GABBR2: variants seen among roughly 807,000 people sequenced by gnomAD.
The protein encoded by GABBR2 is gamma-aminobutyric acid type B receptor subunit 2.
Under a neutral mutation model 105.6 loss-of-function variants are expected in GABBR2, and 23 were observed. That is an observed-to-expected ratio of 0.22 (90% CI 0.16 to 0.31). The LOEUF is 0.31. GABBR2 is among the 10% of genes least tolerant of loss of function. GABBR2 has a pLI of 1.00. For missense variants in GABBR2, 734 were observed against 1,245.5 expected (o/e 0.59, Z 6.18); for synonymous variants, 478 against 499.7 (o/e 0.96, Z 0.58).
intron 7 of GABBR2, among the ~76,000 whole-genome samples, chr9:98,420,614 G>A (rs1832766232): frequency 6.6e-6 from 1 of 152,242 alleles, no homozygotes; most frequent in Non-Finnish European, 1.5e-5. Context: ...GATAACCACA[G>A]CACAAAGGCA....
intron 1 of GABBR2, among the ~76,000 whole-genome samples, chr9:98,593,432 G>A (rs1385889130): frequency 1.3e-5 from 2 of 152,156 alleles, no homozygotes; most frequent in Admixed American, 1.3e-4. Flanking sequence ...CAGGGACAAT[G>A]GCAGGAGCAG....
intron 1 of GABBR2, among the ~76,000 whole-genome samples, chr9:98,683,921 T>C (rs955263252): frequency 4.0e-4 from 58 of 143,782 alleles, no homozygotes; most frequent in South Asian, 1.8e-3. Flanking sequence ...GGCAGGAGAA[T>C]GACATGAACC....
intron 3 of GABBR2, among the ~76,000 whole-genome samples, chr9:98,540,441 A>C (rs1211094427): frequency 6.6e-6 from 1 of 152,216 alleles, no homozygotes; most frequent in East Asian, 1.9e-4. Context: ...TAACGTCTCC[A>C]AGGTCACACA....
intron 8 of GABBR2, among the ~76,000 whole-genome samples, chr9:98,395,811 T>C (rs940835868): frequency 1.3e-5 from 2 of 151,874 alleles, no homozygotes; most frequent in African/African-American, 4.8e-5. Context: ...GGCAGTGAGT[T>C]TGAGGGCAGG....
chr9:98,618,654 C>T (rs1450581730), intron 1 of GABBR2, among the ~76,000 whole-genome samples: 1 of 152,132 alleles, frequency 6.6e-6, no homozygotes, highest in Non-Finnish European at 1.5e-5. Context: ...GAGTGCTTCT[C>T]TCAGTGTGTC....
rs367659772 is a variant in GABBR2, at chr9:98,290,030, C to G, written c.*554G>C. 9.2e-5 allele frequency: 14 copies of G among 152,526 alleles called. No individual in the cohort carries two copies. Among genetic ancestry groups the G allele is most frequent in the African/African-American group, 3.1e-4 (13 of 41,600 alleles). The allele number at this position is 152,526 out of a possible 1,614,324, so 9.4% of individuals were successfully genotyped here. The stretch of plus-strand genomic sequence containing the variant: ...TGCTCCAGGGCTGTGCCTGTCTGCG[C>G]TCCTGCAGACTCCCTGTTCCAGGAA... On this transcript the variant is annotated 3_prime_UTR_variant, in exon 19 of 19. Transcript: ENST00000259455.
intron 12 of GABBR2, among the ~76,000 whole-genome samples, chr9:98,367,226 G>C (rs1251495282): frequency 1.4e-5 from 2 of 143,934 alleles, no homozygotes; most frequent in South Asian, 2.3e-4. Flanking sequence ...AGAAGAAAAG[G>C]ATAAAAAACT....
At chr9:98,611,958 G>A (rs1034946880) in intron 1 of GABBR2, among the ~76,000 whole-genome samples, 2 of 152,288 alleles carry the variant, frequency 1.3e-5, no homozygotes, top group Non-Finnish European at 2.9e-5. Context: ...CCAGAATCAA[G>A]GAGGTGGAGA....
chr9:98,413,197 G>A (rs942398802), intron 7 of GABBR2, among the ~76,000 whole-genome samples: 1 of 152,180 alleles, frequency 6.6e-6, no homozygotes, highest in South Asian at 2.1e-4. Flanking sequence ...AGGGATCCAA[G>A]CCCATCGTGG....
At chr9:98,389,119 G>T in intron 9 of GABBR2, 115 bp from the exon 10 acceptor site, 1 of 836,030 alleles carries the variant, frequency 1.2e-6, no homozygotes, top group Non-Finnish European at 1.9e-6. Flanking sequence ...TCTACACAAG[G>T]CACATCTATC....
intron 3 of GABBR2, among the ~76,000 whole-genome samples, chr9:98,532,087 T>A (rs1828078182): frequency 1.3e-5 from 2 of 152,206 alleles, no homozygotes; most frequent in African/African-American, 4.8e-5. Flanking sequence ...GATGTGCTAG[T>A]CATCATTTTA....
At chr9:98,463,480 G>T (rs958619073) in intron 6 of GABBR2, among the ~76,000 whole-genome samples, 3 of 152,172 alleles carry the variant, frequency 2.0e-5, no homozygotes, top group Non-Finnish European at 4.4e-5. Context: ...GAACCTATAT[G>T]AGTAGTTATC....
intron 17 of GABBR2, among the ~76,000 whole-genome samples, chr9:98,297,612 T>C (rs1221039114): frequency 1.3e-5 from 2 of 149,522 alleles, no homozygotes; most frequent in Non-Finnish European, 3.0e-5. Context: ...AAACCCCGTC[T>C]CAAAAAAATA....
At chr9:98,320,648 T>A (rs556804391) in intron 13 of GABBR2, among the ~76,000 whole-genome samples, 55 of 152,158 alleles carry the variant, frequency 3.6e-4, no homozygotes, top group African/African-American at 1.3e-3. Context: ...CTGTGCAGCC[T>A]TAAAAAATGA....
At chr9:98,505,077 T>C (rs1242976404) in intron 3 of GABBR2, among the ~76,000 whole-genome samples, 3 of 152,200 alleles carry the variant, frequency 2.0e-5, no homozygotes, top group Non-Finnish European at 4.4e-5. Context: ...TTTGGCCCAA[T>C]GCCAAAAAAC....
At position 98,388,669 on chromosome 9, in the gene GABBR2, GCACACA is replaced by G. The variant is rs1832121960; in HGVS notation, c.1529+179_1529+184del. 6.8e-6 allele frequency among the ~76,000 whole-genome samples: 1 copy of G among 146,632 alleles called. No homozygotes were observed. Among genetic ancestry groups the G allele is most frequent in the Non-Finnish European group, 1.5e-5 (1 of 66,584 alleles). On this transcript the variant is annotated intron_variant, in intron 10 of 18. Coordinates refer to ENST00000259455, the MANE Select transcript of GABBR2 (RefSeq NM_005458.8). The surrounding 1 kb of genome is among the most constrained non-coding windows in gnomAD (Gnocchi z 4.4). ...TGTGTGTGTGTGTGTGTGCGTGCAC[GCACACA>G]CACGTACTCACATGCATGTAACACC...
At chr9:98,691,528 G>A (rs142638761) in intron 1 of GABBR2, among the ~76,000 whole-genome samples, 63 of 152,314 alleles carry the variant, frequency 4.1e-4, no homozygotes, top group East Asian at 4.0e-3. Context: ...ACTCTTTGCC[G>A]ACAGCAAGGC....
intron 1 of GABBR2, among the ~76,000 whole-genome samples, chr9:98,640,625 G>A (rs1023151726): frequency 4.6e-5 from 7 of 152,166 alleles, no homozygotes; most frequent in Non-Finnish European, 8.8e-5. Flanking sequence ...AGACAGAAAA[G>A]GATCATTCTA....
intron 1 of GABBR2, among the ~76,000 whole-genome samples, chr9:98,678,766 G>A (rs1588280076): frequency 6.6e-6 from 1 of 152,066 alleles, no homozygotes; most frequent in South Asian, 2.1e-4. Flanking sequence ...GCACCCATGG[G>A]CTCCAATACA....
Sources: allele counts gnomAD v4.1 joint callset (sites outside exome capture counted in the v4.1 genomes callset), GRCh38; gene constraint gnomAD v4.1.1; non-coding constraint Gnocchi (gnomAD v3.1); transcripts MANE v1.5; gene names NCBI Gene and HGNC (gene_info 2026-07-23, HGNC 2026-07-21).